Variants in PTPRG observed in about 807,000 individuals in gnomAD.
The protein encoded by PTPRG is protein tyrosine phosphatase receptor type G.
A neutral mutation model predicts 165.3 loss-of-function variants in PTPRG; 102 were observed. The ratio of observed to expected loss-of-function variants is 0.62; its 90% CI spans 0.53 to 0.73. PTPRG has a LOEUF of 0.73. Among genes scored for constraint, PTPRG ranks in the 30% least tolerant of loss-of-function variants. The pLI, the probability that PTPRG is intolerant of heterozygous loss-of-function variation, is 0.00. For missense variants in PTPRG, 1,866 were observed against 1,861.4 expected, an observed-to-expected ratio of 1.00 and a Z score of -0.05; for synonymous variants, 675 against 669.5, an observed-to-expected ratio of 1.01 and a Z score of -0.13.
chr3:61,620,818 AG>A lies in PTPRG; in HGVS notation c.85+58449del, dbSNP rs545219294. On this transcript the variant is annotated intron_variant, in intron 1 of 29. Transcript: ENST00000474889. Reference sequence around the variant, plus strand: ...TAGTTTTTGTGTTTTTACTAGAGACAGGGTTTCACTATGTTGGCCAGGCAGG... The same window carrying A: ...TAGTTTTTGTGTTTTTACTAGAGACAGGTTTCACTATGTTGGCCAGGCAGG... Among the ~76,000 whole-genome samples, 803 of 151,862 alleles carry A rather than the reference AG, an allele frequency of 5.3e-3. 5 individuals are homozygous for A. The highest frequency in any genetic ancestry group is 7.3e-3 in the Non-Finnish European group (494 of 67,908).
At chr3:62,250,505 TA>T (rs747047862) in intron 15 of PTPRG, among the ~76,000 whole-genome samples, 4 of 152,184 alleles carry the variant, frequency 2.6e-5, no homozygotes, top group Non-Finnish European at 5.9e-5. Flanking sequence ...AATAAAAAAC[TA>T]TGGGCAAGAA....
chr3:61,680,912 G>A lies in PTPRG; in HGVS notation c.86-67966G>A, dbSNP rs2107117264. Among the ~76,000 whole-genome samples, 2 of 132,186 alleles carry A rather than the reference G, an allele frequency of 1.5e-5. 1 individual carries two copies. Among genetic ancestry groups the A allele is most frequent in the Admixed American group, 1.6e-4 (2 of 12,874 alleles). The allele number at this position is 132,186 out of a possible 152,430, so 86.7% of individuals were successfully genotyped here. ...ACAGTGGGATGTGTTTAAAATGTGG[G>A]AGACAGGAGCTGTATGGAAATCATT... On this transcript the variant is annotated intron_variant, in intron 1 of 29. Coordinates refer to ENST00000474889, the MANE Select transcript of PTPRG (RefSeq NM_002841.4).
chr3:61,817,190 TAATA>T (rs67094451), intron 2 of PTPRG, among the ~76,000 whole-genome samples: 32,504 of 135,936 alleles, frequency 0.24, 4,084 homozygotes, highest in East Asian at 0.36. Context: ...ATATATAAAA[TAATA>T]TATATAATAA....
At chr3:61,613,929 G>C (rs1179235706) in intron 1 of PTPRG, among the ~76,000 whole-genome samples, 2 of 152,116 alleles carry the variant, frequency 1.3e-5, no homozygotes, top group East Asian at 3.8e-4. Flanking sequence ...ACATCCTGTT[G>C]GTTTCACCTC....
chr3:61,941,131 T>C (rs2039616530), intron 2 of PTPRG, among the ~76,000 whole-genome samples: 4 of 152,204 alleles, frequency 2.6e-5, no homozygotes, highest in Admixed American at 2.6e-4. Flanking sequence ...ACAAACTTGT[T>C]GTGTGGATCC....
At chr3:61,801,478 T>C (rs1209838702) in intron 2 of PTPRG, among the ~76,000 whole-genome samples, 2 of 151,496 alleles carry the variant, frequency 1.3e-5, no homozygotes, top group Non-Finnish European at 2.9e-5. Flanking sequence ...CACACATACA[T>C]AGAAGAGGGG....
chr3:62,157,294 C>G (rs950661089), intron 7 of PTPRG, 70 bp downstream of exon 7: 34 of 1,486,562 alleles, frequency 2.3e-5, no homozygotes, highest in Admixed American at 1.2e-4. Flanking sequence ...TCCAGCATGG[C>G]TAGAGTATAC....
intron 23 of PTPRG, among the ~76,000 whole-genome samples, chr3:62,274,536 A>G (rs944257531): frequency 2.0e-5 from 3 of 152,140 alleles, no homozygotes; most frequent in Admixed American, 1.3e-4. Context: ...TGTCTTTTAA[A>G]TTCTATTTTG....
intron 5 of PTPRG, among the ~76,000 whole-genome samples, chr3:62,078,575 T>TAA (rs11434099): frequency 2.0e-5 from 3 of 151,174 alleles, no homozygotes; most frequent in Non-Finnish European, 4.4e-5. Flanking sequence ...GAGACTGATA[T>TAA]AAAAAAAAAG....
intron 1 of PTPRG, among the ~76,000 whole-genome samples, chr3:61,585,280 CA>C (rs3039784): frequency 0.09 from 7,337 of 81,240 alleles, 137 homozygotes; most frequent in African/African-American, 0.12. Flanking sequence ...GACCCTGTCT[CA>C]AAAAAAAAAA....
chr3:62,192,118 C>T (rs1445085329), intron 9 of PTPRG, among the ~76,000 whole-genome samples: 3 of 152,296 alleles, frequency 2.0e-5, no homozygotes, highest in Non-Finnish European at 4.4e-5. Flanking sequence ...ACCACCACCA[C>T]TGTCCACAGT....
At chr3:62,182,475 A>G (rs1485117566) in intron 8 of PTPRG, among the ~76,000 whole-genome samples, 1 of 152,182 alleles carries the variant, frequency 6.6e-6, no homozygotes, top group Admixed American at 6.5e-5. Context: ...TTCTATGCAG[A>G]TCTCCTAAGG....
chr3:61,853,815 T>G (rs982221656), intron 2 of PTPRG, among the ~76,000 whole-genome samples: 3 of 152,200 alleles, frequency 2.0e-5, no homozygotes, highest in African/African-American at 7.2e-5. Flanking sequence ...TCCAAGTTGA[T>G]GTGTTCTGGG....
rs60860510 is a variant in PTPRG, at chr3:61,948,942, G to A, written c.191-40683G>A. Among the ~76,000 whole-genome samples the A allele has an allele frequency of 5.0e-3, 760 of 151,916 alleles. 9 individuals are homozygous for A. The highest frequency in any genetic ancestry group is 0.018 in the African/African-American group (726 of 41,418). On this transcript the variant is annotated intron_variant, in intron 2 of 29. Coordinates refer to ENST00000474889, the MANE Select transcript of PTPRG (RefSeq NM_002841.4). ...GTCACAGTGGGAATATAGCTGTCAG[G>A]GAAAGAGAAAGGCATTTCTTCTTCA...
At chr3:61,630,757 ACTT>A (rs901514170) in intron 1 of PTPRG, among the ~76,000 whole-genome samples, 2 of 152,160 alleles carry the variant, frequency 1.3e-5, no homozygotes, top group Non-Finnish European at 2.9e-5. Flanking sequence ...ATTGTCAACT[ACTT>A]AAAAAATGTA....
intron 4 of PTPRG, among the ~76,000 whole-genome samples, chr3:62,070,992 C>T (rs1450578495): frequency 6.6e-6 from 1 of 151,836 alleles, no homozygotes; most frequent in Non-Finnish European, 1.5e-5. Flanking sequence ...GTTCTGTTGT[C>T]TGCTGCCTCC....
chr3:61,596,844 G>A (rs1243530517), intron 1 of PTPRG, among the ~76,000 whole-genome samples: 1 of 152,060 alleles, frequency 6.6e-6, no homozygotes. Flanking sequence ...CTTTTTAGAA[G>A]TGAATAATTG....
chr3:61,804,332 G>C (rs1194261953), intron 2 of PTPRG, among the ~76,000 whole-genome samples: 1 of 152,212 alleles, frequency 6.6e-6, no homozygotes, highest in Non-Finnish European at 1.5e-5. Context: ...GGAGTTAATA[G>C]TCAGAACTAG....
chr3:62,207,651 CTG>C (rs1700262657), intron 12 of PTPRG, among the ~76,000 whole-genome samples: 1 of 152,136 alleles, frequency 6.6e-6, no homozygotes, highest in African/African-American at 2.4e-5. Flanking sequence ...AAGTTACACA[CTG>C]TTATATTTTT....
Sources: allele counts gnomAD v4.1 joint callset (sites outside exome capture counted in the v4.1 genomes callset), GRCh38; gene constraint gnomAD v4.1.1; transcripts MANE v1.5; gene names NCBI Gene and HGNC (gene_info 2026-07-23, HGNC 2026-07-21).